Variants in EFNA5 observed in about 807,000 individuals in gnomAD.
EFNA5 encodes ephrin A5, also known as ephrin-A5.
Under a neutral mutation model 22.9 loss-of-function variants are expected in EFNA5, and 5 were observed. The observed-to-expected ratio is 0.22, with a 90% CI of 0.11 to 0.46. The LOEUF is 0.46. Among genes scored for constraint, EFNA5 ranks in the 20% least tolerant of loss-of-function variants. The pLI is 0.99. For synonymous variants in EFNA5, 113 were observed against 112.2 expected, an observed-to-expected ratio of 1.01 and a Z score of -0.04; for missense variants, 237 against 293.3, an observed-to-expected ratio of 0.81 and a Z score of 1.40.
chr5:107,484,118 G>A (rs1750554376), intron 1 of EFNA5, among the ~76,000 whole-genome samples: 1 of 152,168 alleles, frequency 6.6e-6, no homozygotes, highest in African/African-American at 2.4e-5. Context: ...TTGTCAAACA[G>A]ATTCATGGTA....
intron 1 of EFNA5, among the ~76,000 whole-genome samples, chr5:107,549,939 C>T (rs928397040): frequency 6.6e-6 from 1 of 152,374 alleles, no homozygotes. Context: ...GTACCTATGG[C>T]TCTCTGGAAA....
rs540620430 is a variant in EFNA5, at chr5:107,638,357, A to G, written c.125+32132T>C. 6.6e-5 allele frequency among the ~76,000 whole-genome samples: 10 copies of G among 152,268 alleles called. 2 individuals are homozygous for G. The highest frequency in any genetic ancestry group is 2.4e-4 in the African/African-American group (10 of 41,562). ...TCCAGGGACTGGGGCGGGTGGGTGA[A>G]GAAAGTAGAGAGATGTTAGTCAAAG... On this transcript the variant is annotated intron_variant, in intron 1 of 4. Transcript: ENST00000333274.
At chr5:107,489,820 C>T (rs1746752749) in intron 1 of EFNA5, among the ~76,000 whole-genome samples, 1 of 152,200 alleles carries the variant, frequency 6.6e-6, no homozygotes, top group Admixed American at 6.5e-5. Context: ...CAGTTATGCT[C>T]TTTCTTGCTT....
At chr5:107,457,849 C>T (rs1444166216) in intron 1 of EFNA5, among the ~76,000 whole-genome samples, 2 of 152,190 alleles carry the variant, frequency 1.3e-5, no homozygotes, top group East Asian at 3.9e-4. Flanking sequence ...AATTGCTTCA[C>T]ATAGGAGCAG....
intron 1 of EFNA5, among the ~76,000 whole-genome samples, chr5:107,579,292 G>T (rs10043768): frequency 0.023 from 3,443 of 152,254 alleles, 147 homozygotes; most frequent in African/African-American, 0.079. Context: ...CATGGAGCCA[G>T]GTTCAACTTT....
chr5:107,485,773 G>A (rs1185792767), intron 1 of EFNA5, among the ~76,000 whole-genome samples: 1 of 152,192 alleles, frequency 6.6e-6, no homozygotes, highest in African/African-American at 2.4e-5. Flanking sequence ...TTCGGTCTAG[G>A]TAAACAAACA....
intron 1 of EFNA5, among the ~76,000 whole-genome samples, chr5:107,540,817 A>G (rs545642551): frequency 6.6e-6 from 1 of 152,242 alleles, no homozygotes; most frequent in Non-Finnish European, 1.5e-5. Flanking sequence ...TAGAAATTTT[A>G]ATCAAGAAAA....
At chr5:107,505,418 T>C (rs1223173773) in intron 1 of EFNA5, among the ~76,000 whole-genome samples, 2 of 152,182 alleles carry the variant, frequency 1.3e-5, no homozygotes. Flanking sequence ...TCTGCAAACA[T>C]TGCCTAGGGC....
intron 1 of EFNA5, among the ~76,000 whole-genome samples, chr5:107,488,479 G>T (rs1209898672): frequency 6.6e-6 from 1 of 152,184 alleles, no homozygotes; most frequent in Non-Finnish European, 1.5e-5. Flanking sequence ...ATCAGAAAGG[G>T]TTTGCAGGGG....
chr5:107,594,213 C>T (rs887174377), intron 1 of EFNA5, among the ~76,000 whole-genome samples: 15 of 152,074 alleles, frequency 9.9e-5, no homozygotes, highest in African/African-American at 3.4e-4. Context: ...TATCAAAGAC[C>T]AGTTAGGAAG....
At chr5:107,431,869 T>C (rs568359641) in intron 1 of EFNA5, among the ~76,000 whole-genome samples, 2 of 152,318 alleles carry the variant, frequency 1.3e-5, no homozygotes, top group Admixed American at 6.5e-5. Context: ...TTAGTTTCAC[T>C]TTACCAATGA....
chr5:107,411,180 A>G (rs1464706894), intron 2 of EFNA5, among the ~76,000 whole-genome samples: 1 of 152,212 alleles, frequency 6.6e-6, no homozygotes, highest in African/African-American at 2.4e-5. Context: ...GTTGCACTTA[A>G]AGGATTAACT....
chr5:107,418,299 G>T (rs1338512769), intron 2 of EFNA5, among the ~76,000 whole-genome samples: 1 of 152,128 alleles, frequency 6.6e-6, no homozygotes, highest in African/African-American at 2.4e-5. Flanking sequence ...GTACACACAC[G>T]TGATACAGCA....
At chr5:107,517,581 T>C (rs1465871960) in intron 1 of EFNA5, among the ~76,000 whole-genome samples, 2 of 152,324 alleles carry the variant, frequency 1.3e-5, no homozygotes, top group East Asian at 3.9e-4. Context: ...GTGTGCCCAA[T>C]AAAGATCTTG....
At chr5:107,482,856 CTCTCTCTCTCTCTCTATA>C (rs1561406380) in intron 1 of EFNA5, among the ~76,000 whole-genome samples, 3,724 of 75,356 alleles carry the variant, frequency 0.049, 62 homozygotes, top group East Asian at 0.083. Context: ...CTCTCTCTCT[CTCTCTCTCTCTCTCTATA>C]TATATATATA....
At chr5:107,447,097 C>A (rs1749418262) in intron 1 of EFNA5, among the ~76,000 whole-genome samples, 1 of 152,136 alleles carries the variant, frequency 6.6e-6, no homozygotes, top group Non-Finnish European at 1.5e-5. Flanking sequence ...AGAGTTAAGA[C>A]CCCTGAGAGA....
At chr5:107,505,900 A>G (rs1466437254) in intron 1 of EFNA5, among the ~76,000 whole-genome samples, 1 of 151,916 alleles carries the variant, frequency 6.6e-6, no homozygotes, top group Non-Finnish European at 1.5e-5. Flanking sequence ...CCCATTTTCC[A>G]TTTGAGAAAA....
At chr5:107,476,877 T>G (rs1200787029) in intron 1 of EFNA5, among the ~76,000 whole-genome samples, 1 of 152,076 alleles carries the variant, frequency 6.6e-6, no homozygotes, top group Admixed American at 6.6e-5. Context: ...CAAATCAGAA[T>G]CAGACAGAAT....
intron 1 of EFNA5, among the ~76,000 whole-genome samples, chr5:107,594,943 G>T (rs368127012): frequency 6.6e-6 from 1 of 152,150 alleles, no homozygotes; most frequent in African/African-American, 2.4e-5. Flanking sequence ...CTAAGTGGGT[G>T]TGCCACTTTT....
Sources: allele counts gnomAD v4.1 joint callset (sites outside exome capture counted in the v4.1 genomes callset), GRCh38; gene constraint gnomAD v4.1.1; transcripts MANE v1.5; gene names NCBI Gene and HGNC (gene_info 2026-07-23, HGNC 2026-07-21).